HS6ST3: variants seen among roughly 807,000 people sequenced by gnomAD.
HS6ST3 encodes the protein heparan sulfate 6-O-sulfotransferase 3, also known as heparan-sulfate 6-O-sulfotransferase 3.
Under a neutral mutation model 36.7 loss-of-function variants are expected in HS6ST3, and 12 were observed. That is an observed-to-expected ratio of 0.33 (90% CI 0.21 to 0.53). The LOEUF (loss-of-function observed/expected upper bound fraction) is 0.53, where lower values mean the gene tolerates loss of function less well. Ranked by LOEUF, HS6ST3 falls within the 20% of genes least tolerant of loss-of-function variation. The pLI is 0.95. For missense variants in HS6ST3, 584 were observed against 640.9 expected (o/e 0.91, Z 0.96); for synonymous variants, 240 against 257.5 (o/e 0.93, Z 0.65).
At chr13:96,296,260 C>T (rs2054854696) in intron 1 of HS6ST3, among the ~76,000 whole-genome samples, 1 of 152,140 alleles carries the variant, frequency 6.6e-6, no homozygotes, top group Non-Finnish European at 1.5e-5. Flanking sequence ...TTATACTCTA[C>T]ACTTGTAAAA....
chr13:96,577,046 T>C (rs2056324742), intron 1 of HS6ST3, among the ~76,000 whole-genome samples: 1 of 151,816 alleles, frequency 6.6e-6, no homozygotes, highest in African/African-American at 2.4e-5. Flanking sequence ...CTTTAAGTTC[T>C]GGGATACATG....
intron 1 of HS6ST3, among the ~76,000 whole-genome samples, chr13:96,115,280 G>T (rs1037830003): frequency 6.6e-6 from 1 of 152,096 alleles, no homozygotes; most frequent in African/African-American, 2.4e-5. Flanking sequence ...GTTTTTATTT[G>T]TTTGTTTTAC....
intron 1 of HS6ST3, among the ~76,000 whole-genome samples, chr13:96,784,139 C>T (rs1019697683): frequency 6.6e-5 from 10 of 150,502 alleles, no homozygotes; most frequent in East Asian, 1.9e-4. Context: ...AAATAAGTTG[C>T]GTGTTTATTT....
rs138973919 is a variant in HS6ST3 at position 96,120,237 on chromosome 13, G to A, written c.707+28668G>A. Among the ~76,000 whole-genome samples, 213 of 152,292 alleles carry A rather than the reference G, an allele frequency of 1.4e-3. 1 individual carries two copies. Among genetic ancestry groups the A allele is most frequent in the African/African-American group, 4.8e-3 (199 of 41,568 alleles). ...AGGGTTCCCTGCAGGTTGCAGAGGG[G>A]CTGGGGCCCTGGTTTCAGATTCCTG... On this transcript the variant is annotated intron_variant, in intron 1 of 1. Coordinates refer to ENST00000376705, the MANE Select transcript of HS6ST3 (RefSeq NM_153456.4).
chr13:96,537,071 G>A (rs1399730607), intron 1 of HS6ST3, among the ~76,000 whole-genome samples: 2 of 152,180 alleles, frequency 1.3e-5, no homozygotes, highest in African/African-American at 4.8e-5. Flanking sequence ...TCACACTCCT[G>A]ATAAAGACAT....
Position 96,347,306 on chromosome 13 carries a change from A to G in HS6ST3, c.707+255737A>G, listed in dbSNP as rs139318980. ...AAGCATCCATTCTGTCATGAAACATATGGAGTTGCCAACAAAAGCACGTTA... is the reference window on the plus strand; with the variant it reads ...AAGCATCCATTCTGTCATGAAACATGTGGAGTTGCCAACAAAAGCACGTTA... On this transcript the variant is annotated intron_variant, in intron 1 of 1. Coordinates refer to ENST00000376705, the MANE Select transcript of HS6ST3 (RefSeq NM_153456.4). Among the ~76,000 whole-genome samples, 51 of 152,332 alleles carry G rather than the reference A, an allele frequency of 3.3e-4. 1 individual carries two copies. Among genetic ancestry groups the G allele is most frequent in the African/African-American group, 1.2e-3 (49 of 41,570 alleles).
intron 1 of HS6ST3, among the ~76,000 whole-genome samples, chr13:96,718,010 T>C (rs1875745801): frequency 6.6e-6 from 1 of 152,102 alleles, no homozygotes; most frequent in Admixed American, 6.6e-5. Flanking sequence ...TTTACCCCAG[T>C]CTCCCTGTCT....
At chr13:96,255,972 G>A (rs1454385713) in intron 1 of HS6ST3, among the ~76,000 whole-genome samples, 1 of 152,272 alleles carries the variant, frequency 6.6e-6, no homozygotes, top group East Asian at 1.9e-4. Context: ...ACCAACTCAT[G>A]TCCCATGAGC....
chr13:96,586,482 G>C (rs935608833), intron 1 of HS6ST3, among the ~76,000 whole-genome samples: 13 of 152,054 alleles, frequency 8.5e-5, no homozygotes, highest in African/African-American at 3.1e-4. Context: ...TTTTAGTAGA[G>C]ACAGGTTTTC....
intron 1 of HS6ST3, among the ~76,000 whole-genome samples, chr13:96,651,286 T>C (rs2139012689): frequency 6.6e-6 from 1 of 152,204 alleles, no homozygotes; most frequent in East Asian, 1.9e-4. Flanking sequence ...CATCCTCTTT[T>C]TCTGGGATGT....
At chr13:96,638,618 TC>T (rs1265553927) in intron 1 of HS6ST3, among the ~76,000 whole-genome samples, 4 of 151,928 alleles carry the variant, frequency 2.6e-5, no homozygotes, top group African/African-American at 9.7e-5. Context: ...GGGGCTTTTT[TC>T]CCCTTTTGCT....
rs956239575 is a variant in HS6ST3, at chr13:96,839,249, G to A, written c.*6051G>A. The A allele has an allele frequency of 1.3e-5, 2 of 151,604 alleles. No homozygotes were observed. Among genetic ancestry groups the A allele is most frequent in the Admixed American group, 1.3e-4 (2 of 15,236 alleles). The allele number at this position is 151,604 out of a possible 1,614,324, so 9.4% of individuals were successfully genotyped here. A position where few individuals can be genotyped will look rare whatever the true frequency, so the allele number is the denominator to read the frequency against. On this transcript the variant is annotated 3_prime_UTR_variant, in exon 2 of 2. Transcript: ENST00000376705. Reference sequence around the variant, plus strand: ...TTTCTTTCTCAGAAGTACTTCTGGGGCTTTGATTGCATTATTTCTCTTTTA... The same window carrying A: ...TTTCTTTCTCAGAAGTACTTCTGGGACTTTGATTGCATTATTTCTCTTTTA...
At chr13:96,155,771 G>A (rs1188768593) in intron 1 of HS6ST3, among the ~76,000 whole-genome samples, 3 of 152,058 alleles carry the variant, frequency 2.0e-5, no homozygotes, top group Non-Finnish European at 4.4e-5. Flanking sequence ...ATGAAATTTT[G>A]GATTGCATTT....
At chr13:96,208,744 T>C (rs183495830) in intron 1 of HS6ST3, among the ~76,000 whole-genome samples, 11 of 152,314 alleles carry the variant, frequency 7.2e-5, no homozygotes, top group Non-Finnish European at 1.2e-4. Flanking sequence ...AGTCCTCTTC[T>C]TTGATATTAT....
intron 1 of HS6ST3, among the ~76,000 whole-genome samples, chr13:96,464,138 CAAA>C (rs67305199): frequency 1.5e-4 from 6 of 38,780 alleles, no homozygotes; most frequent in South Asian, 2.0e-3. Context: ...TGTCAGGCCT[CAAA>C]AAAAAAAAAA....
At chr13:96,212,357 A>T (rs2054403196) in intron 1 of HS6ST3, among the ~76,000 whole-genome samples, 1 of 152,256 alleles carries the variant, frequency 6.6e-6, no homozygotes, top group Non-Finnish European at 1.5e-5. Flanking sequence ...TGTCTTCAAA[A>T]GACAAGTATT....
chr13:96,400,319 A>G (rs1045280774), intron 1 of HS6ST3, among the ~76,000 whole-genome samples: 158 of 146,542 alleles, frequency 1.1e-3, no homozygotes, highest in Non-Finnish European at 1.8e-3. Context: ...ACACACACAC[A>G]CACACACACA....
rs1285079099 is a variant in HS6ST3 at position 96,628,452 on chromosome 13, A to C, written c.708-204038A>C. On this transcript the variant is annotated intron_variant, in intron 1 of 1. Transcript: ENST00000376705. Reference sequence around the variant, plus strand: ...GGACAATTTTTATAAATAGTTCATAAATTCTTAAAGAGGAGGCTATATTCT... The same window carrying C: ...GGACAATTTTTATAAATAGTTCATACATTCTTAAAGAGGAGGCTATATTCT... 2.6e-5 allele frequency among the ~76,000 whole-genome samples: 4 copies of C among 151,982 alleles called. No individual in the cohort carries two copies. The East Asian group carries it at 5.8e-4, about 22-fold the overall frequency.
At chr13:96,658,160 T>C (rs2056632096) in intron 1 of HS6ST3, among the ~76,000 whole-genome samples, 1 of 152,100 alleles carries the variant, frequency 6.6e-6, no homozygotes, top group South Asian at 2.1e-4. Context: ...CTGTGAGATT[T>C]ATTCACATTG....
Sources: allele counts gnomAD v4.1 joint callset (sites outside exome capture counted in the v4.1 genomes callset), GRCh38; gene constraint gnomAD v4.1.1; transcripts MANE v1.5; gene names NCBI Gene and HGNC (gene_info 2026-07-23, HGNC 2026-07-21).